The following ADGRB3 variants were observed in gnomAD, a reference collection of about 807,000 sequenced individuals.
ADGRB3 encodes the protein brain-specific angiogenesis inhibitor 3.
Under a neutral mutation model 193.4 loss-of-function variants are expected in ADGRB3, and 37 were observed. That is an observed-to-expected ratio of 0.19 (90% CI 0.15 to 0.25). ADGRB3 has a LOEUF of 0.25. Ranked by LOEUF, ADGRB3 falls within the 10% of genes least tolerant of loss-of-function variation. The pLI, the probability that ADGRB3 is intolerant of heterozygous loss-of-function variation, is 1.00. For missense variants in ADGRB3, 1,637 were observed against 1,852.9 expected, an observed-to-expected ratio of 0.88 and a Z score of 2.14; for synonymous variants, 690 against 644.2, an observed-to-expected ratio of 1.07 and a Z score of -1.08.
At chr6:68,730,359 T>G (rs2127331318) in intron 3 of ADGRB3, among the ~76,000 whole-genome samples, 1 of 150,142 alleles carries the variant, frequency 6.7e-6, no homozygotes, top group East Asian at 1.9e-4. Flanking sequence ...ATTAATATTC[T>G]CAGTGCTATA....
chr6:69,344,443 G>A (rs1461440103), intron 26 of ADGRB3, among the ~76,000 whole-genome samples: 1 of 151,942 alleles, frequency 6.6e-6, no homozygotes, highest in African/African-American at 2.4e-5. Context: ...TTTCCACAAG[G>A]CGTACAGATA....
At chr6:68,690,480 G>A (rs1765054934) in intron 3 of ADGRB3, among the ~76,000 whole-genome samples, 1 of 151,978 alleles carries the variant, frequency 6.6e-6, no homozygotes, top group Non-Finnish European at 1.5e-5. Context: ...TGCCCCACTA[G>A]TATGATCTCC....
chr6:69,200,104 A>G (rs1481587553), intron 17 of ADGRB3, among the ~76,000 whole-genome samples: 1 of 151,454 alleles, frequency 6.6e-6, no homozygotes, highest in African/African-American at 2.4e-5. Context: ...TGTTTTTGTT[A>G]TTTTTACCAG....
At chr6:68,910,577 T>G (rs1766674301) in intron 3 of ADGRB3, among the ~76,000 whole-genome samples, 1 of 152,208 alleles carries the variant, frequency 6.6e-6, no homozygotes, top group Non-Finnish European at 1.5e-5. Flanking sequence ...TGAATTAATT[T>G]TTGTATAAGG....
At position 68,899,214 on chromosome 6, in the gene ADGRB3, C is replaced by G. The variant is rs147773434; in HGVS notation, c.758-31345C>G. On this transcript the variant is annotated intron_variant, in intron 3 of 31. Transcript: ENST00000370598. The stretch of plus-strand genomic sequence containing the variant: ...AAAAATTTAAAAAATTAGTTGACAA[C>G]TACCAACAAATTAATATCGAAAGCC... 5.5e-4 allele frequency among the ~76,000 whole-genome samples: 84 copies of G among 152,228 alleles called. No homozygotes were observed. In the East Asian group the frequency reaches 0.016, roughly 29 times the overall value.
chr6:69,031,439 TC>T (rs1770681314), intron 13 of ADGRB3, among the ~76,000 whole-genome samples: 2 of 72,888 alleles, frequency 2.7e-5, no homozygotes, highest in Admixed American at 1.1e-4. Flanking sequence ...AGACTCCATC[TC>T]AAAAAAAAAA....
intron 13 of ADGRB3, among the ~76,000 whole-genome samples, chr6:69,022,465 A>G (rs187800993): frequency 6.6e-6 from 1 of 151,864 alleles, no homozygotes; most frequent in Non-Finnish European, 1.5e-5. Flanking sequence ...CTTGTTTTCT[A>G]TACTTTTCCT....
intron 16 of ADGRB3, among the ~76,000 whole-genome samples, chr6:69,065,926 G>A (rs1369615770): frequency 6.6e-6 from 1 of 151,554 alleles, no homozygotes; most frequent in Non-Finnish European, 1.5e-5. Context: ...TAAAAATATA[G>A]TATAAAAACT....
chr6:68,931,746 G>A (rs1215179909), intron 4 of ADGRB3, among the ~76,000 whole-genome samples: 6 of 152,084 alleles, frequency 3.9e-5, no homozygotes, highest in Admixed American at 3.9e-4. Context: ...TTGTTAATGA[G>A]TTTTGCTCTT....
chr6:69,372,742 A>G (rs916677643), intron 30 of ADGRB3, among the ~76,000 whole-genome samples: 5 of 151,994 alleles, frequency 3.3e-5, no homozygotes, highest in Admixed American at 3.3e-4. Context: ...GTTTGTAGGG[A>G]GGGGGAATGT....
At chr6:69,036,106 T>C (rs1013004424) in intron 13 of ADGRB3, among the ~76,000 whole-genome samples, 1 of 152,184 alleles carries the variant, frequency 6.6e-6, no homozygotes, top group Non-Finnish European at 1.5e-5. Context: ...GTGTGAAGTA[T>C]GTCTTTCACT....
chr6:68,727,529 A>G (rs1484998034), intron 3 of ADGRB3, among the ~76,000 whole-genome samples: 2 of 151,522 alleles, frequency 1.3e-5, no homozygotes, highest in African/African-American at 4.8e-5. Flanking sequence ...TTGGAGAAAA[A>G]CTAAAAGATG....
intron 20 of ADGRB3, among the ~76,000 whole-genome samples, chr6:69,289,796 A>C (rs780290034): frequency 2.8e-4 from 42 of 150,854 alleles, no homozygotes; most frequent in African/African-American, 9.5e-4. Context: ...TGGTTTTCCA[A>C]TTGTGTTCAT....
At chr6:69,082,167 A>G (rs763832821) in intron 17 of ADGRB3, among the ~76,000 whole-genome samples, 2 of 152,040 alleles carry the variant, frequency 1.3e-5, no homozygotes, top group Admixed American at 1.3e-4. Context: ...AATATTTACT[A>G]TTTAGTCTTT....
intron 3 of ADGRB3, among the ~76,000 whole-genome samples, chr6:68,712,349 A>G (rs906850955): frequency 2.0e-5 from 3 of 152,022 alleles, no homozygotes; most frequent in Admixed American, 2.0e-4. Context: ...AGTAGCTACT[A>G]TTTCAAATTC....
intron 30 of ADGRB3, among the ~76,000 whole-genome samples, chr6:69,377,839 C>T (rs1468596588): frequency 6.6e-6 from 1 of 152,042 alleles, no homozygotes; most frequent in Non-Finnish European, 1.5e-5. Flanking sequence ...ACCTACAGGT[C>T]ATTTACAGGT....
intron 3 of ADGRB3, among the ~76,000 whole-genome samples, chr6:68,878,963 A>G (rs556298964): frequency 3.9e-5 from 6 of 152,260 alleles, no homozygotes; most frequent in African/African-American, 1.2e-4. Flanking sequence ...AGAACAGCAC[A>G]GGAAAGACCT....
Position 68,775,511 on chromosome 6 carries a change from A to G in ADGRB3, c.757+136079A>G, listed in dbSNP as rs548154747. On this transcript the variant is annotated intron_variant, in intron 3 of 31. Transcript: ENST00000370598. ...GCTGGCCAGAAAATGTTTTCATGCC[A>G]TACTTCCAAAGAGGGGCCCAAATCT... 1.3e-3 allele frequency among the ~76,000 whole-genome samples: 204 copies of G among 152,286 alleles called. 1 individual carries two copies. Among genetic ancestry groups the G allele is most frequent in the Non-Finnish European group, 2.3e-3 (157 of 68,010 alleles).
At chr6:69,144,879 C>CTTTA (rs1327678446) in intron 17 of ADGRB3, among the ~76,000 whole-genome samples, 5 of 142,706 alleles carry the variant, frequency 3.5e-5, no homozygotes, top group Admixed American at 7.0e-5. Flanking sequence ...TTTGAGTGTT[C>CTTTA]TTTCTTTCTT....
Sources: allele counts gnomAD v4.1 joint callset (sites outside exome capture counted in the v4.1 genomes callset), GRCh38; gene constraint gnomAD v4.1.1; transcripts MANE v1.5; gene names NCBI Gene and HGNC (gene_info 2026-07-23, HGNC 2026-07-21).